Variants in TRPC5 observed in about 807,000 individuals in gnomAD.
TRPC5 encodes the protein transient receptor potential cation channel subfamily C member 5.
TRPC5 carries 9 observed loss-of-function variants against 56.5 expected under a neutral mutation model. That is an observed-to-expected ratio of 0.16 (90% CI 0.10 to 0.28). TRPC5 has a LOEUF of 0.28. TRPC5 is among the 10% of genes least tolerant of loss of function. The pLI, the probability that TRPC5 is intolerant of heterozygous loss-of-function variation, is 1.00. For missense variants in TRPC5, 469 were observed against 748.9 expected (o/e 0.63, Z 4.36); for synonymous variants, 282 against 278.5 (o/e 1.01, Z -0.13).
chrX:111,909,152 TAAA>T (rs1170515112), intron 3 of TRPC5, among the ~76,000 whole-genome samples: 292 of 34,138 alleles, frequency 8.6e-3, no homozygotes, highest in African/African-American at 0.017. Context: ...ATAAATTAAT[TAAA>T]AAAAAAAAAA....
intron 1 of TRPC5, among the ~76,000 whole-genome samples, chrX:112,021,432 C>A (rs942404155): frequency 1.8e-5 from 2 of 111,900 alleles, no homozygotes. Flanking sequence ...TCCCTACTAA[C>A]CAGTGGTACA....
intron 7 of TRPC5, among the ~76,000 whole-genome samples, chrX:111,782,806 A>AACACACACACAC (rs1186498788): frequency 0.074 from 6,840 of 92,010 alleles, 840 homozygotes; most frequent in African/African-American, 0.27. Flanking sequence ...CATTATAATC[A>AACACACACACAC]ACACACACAC....
chrX:111,916,568 C>T (rs893429536), intron 2 of TRPC5, among the ~76,000 whole-genome samples: 13 of 111,699 alleles, frequency 1.2e-4, no homozygotes, highest in African/African-American at 3.6e-4. Flanking sequence ...ATCTAAAATG[C>T]AGGCCAAACA....
At chrX:111,859,482 A>C (rs191850987) in intron 3 of TRPC5, among the ~76,000 whole-genome samples, 1 of 112,581 alleles carries the variant, frequency 8.9e-6, no homozygotes, top group East Asian at 2.8e-4. Context: ...AGGCCTTTTA[A>C]ATCGGCTTTG....
chrX:112,069,790 G>T (rs1274876299), intron 1 of TRPC5, among the ~76,000 whole-genome samples: 1 of 111,467 alleles, frequency 9.0e-6, no homozygotes, highest in Non-Finnish European at 1.9e-5. Flanking sequence ...GCCAAACCCA[G>T]CACACCAGCC....
rs760916235 is a variant in TRPC5 at position 111,781,124 on chromosome X, GC to G, written c.2142+40del. 2.0e-5 allele frequency: 23 copies of G among 1,177,590 alleles called. No homozygotes were observed. In the African/African-American group the frequency reaches 4.1e-4, roughly 21 times the overall value. On this transcript the variant is annotated intron_variant, in intron 9 of 10. Coordinates refer to ENST00000262839, the MANE Select transcript of TRPC5 (RefSeq NM_012471.3). ...AGTTTGCTTCTCCTCCACAGAACCA[GC>G]CAACAACTATTGTGCTTCATCCCTG... is the stretch of plus-strand genomic sequence containing the variant.
chrX:112,017,426 C>T (rs944486633), intron 1 of TRPC5, among the ~76,000 whole-genome samples: 2 of 110,791 alleles, frequency 1.8e-5, no homozygotes, highest in African/African-American at 6.6e-5. Flanking sequence ...TATTTTCGGC[C>T]CCAGTGATAG....
rs148375050 is a variant in TRPC5 at position 111,870,436 on chromosome X, T to G, written c.901-16330A>C. Among the ~76,000 whole-genome samples, 869 of 111,981 alleles carry G rather than the reference T, an allele frequency of 7.8e-3. 6 individuals are homozygous for G. The highest frequency in any genetic ancestry group is 0.026 in the African/African-American group (812 of 30,814). ...GTATAACTAAATGCCCCTTATAATT[T>G]TGGGACATGCTTATACAAAAACATT... On this transcript the variant is annotated intron_variant, in intron 3 of 10. Transcript: ENST00000262839.
At chrX:112,021,383 C>T (rs1049362482) in intron 1 of TRPC5, among the ~76,000 whole-genome samples, 1 of 111,635 alleles carries the variant, frequency 9.0e-6, no homozygotes, top group Admixed American at 9.5e-5. Flanking sequence ...GTGCTTCCAT[C>T]TAATTAACTT....
chrX:111,932,935 A>G (rs1926458965), intron 2 of TRPC5, among the ~76,000 whole-genome samples: 1 of 111,647 alleles, frequency 9.0e-6, no homozygotes, highest in Non-Finnish European at 1.9e-5. Flanking sequence ...ACAAGCTACC[A>G]TCATTTCCAC....
chrX:111,846,894 C>G (rs1033809426), intron 6 of TRPC5, among the ~76,000 whole-genome samples: 2 of 111,094 alleles, frequency 1.8e-5, no homozygotes, highest in Non-Finnish European at 3.8e-5. Flanking sequence ...GTGCTTGTTT[C>G]TTTCCTACCT....
chrX:111,986,271 A>G (rs1201084111), intron 1 of TRPC5, among the ~76,000 whole-genome samples: 1 of 107,589 alleles, frequency 9.3e-6, no homozygotes, highest in African/African-American at 3.3e-5. Context: ...CAGAATCTCT[A>G]GTTAGTGAGC....
At chrX:111,837,619 T>A (rs1922603316) in intron 6 of TRPC5, among the ~76,000 whole-genome samples, 1 of 110,839 alleles carries the variant, frequency 9.0e-6, no homozygotes, top group Non-Finnish European at 1.9e-5. Flanking sequence ...GTTGGTAGAG[T>A]CTTAGTTAAT....
chrX:112,023,234 GTTTTTTTTTTTGTTTTTTTTTTTT>G (rs1384290803), intron 1 of TRPC5, among the ~76,000 whole-genome samples: 4 of 45,960 alleles, frequency 8.7e-5, no homozygotes, highest in Non-Finnish European at 1.6e-4. Context: ...GCGCCCAGCA[GTTTTTTTTTTTGTTTTTTTTTTTT>G]TTTTTTTTTT....
chrX:111,832,128 C>T (rs1217737146), intron 7 of TRPC5, among the ~76,000 whole-genome samples: 1 of 111,867 alleles, frequency 8.9e-6, no homozygotes, highest in African/African-American at 3.3e-5. Flanking sequence ...GACCACAGAG[C>T]ACAGGCCTGG....
chrX:112,064,180 T>C (rs922460747), intron 1 of TRPC5, among the ~76,000 whole-genome samples: 10 of 111,942 alleles, frequency 8.9e-5, no homozygotes, highest in Admixed American at 5.7e-4. Flanking sequence ...GAAATTATAA[T>C]ATATCTTGCT....
intron 1 of TRPC5, among the ~76,000 whole-genome samples, chrX:111,968,337 A>G (rs1262007259): frequency 5.4e-5 from 6 of 111,392 alleles, no homozygotes; most frequent in African/African-American, 9.8e-5. Flanking sequence ...AGGTGCTGGA[A>G]AGCATGTGGA....
At chrX:111,789,032 A>C (rs1945994906) in intron 7 of TRPC5, among the ~76,000 whole-genome samples, 1 of 112,036 alleles carries the variant, frequency 8.9e-6, no homozygotes, top group African/African-American at 3.2e-5. Flanking sequence ...TCAAGCTACC[A>C]ATGACTTTCT....
chrX:111,907,938 G>A (rs1925685947), intron 3 of TRPC5, among the ~76,000 whole-genome samples: 1 of 111,416 alleles, frequency 9.0e-6, no homozygotes, highest in Non-Finnish European at 1.9e-5. Flanking sequence ...TGAGAATGAA[G>A]TTCTCACAGA....
Sources: allele counts gnomAD v4.1 joint callset (sites outside exome capture counted in the v4.1 genomes callset), GRCh38; gene constraint gnomAD v4.1.1; transcripts MANE v1.5; gene names NCBI Gene and HGNC (gene_info 2026-07-23, HGNC 2026-07-21).